POU2AF2: variants seen among roughly 807,000 people sequenced by gnomAD.
POU2AF2 encodes POU domain class 2-associating factor 2.
chr11:111,279,404 T>C, the POU2AF2 span, among the ~76,000 whole-genome samples: 1 of 152,224 alleles, frequency 6.6e-6, no homozygotes, highest in Non-Finnish European at 1.5e-5. Flanking sequence ...CATAGATAGC[T>C]CTAGAGGCTA....
At chr11:111,259,309 C>CT in the POU2AF2 span, among the ~76,000 whole-genome samples, 7,104 of 129,970 alleles carry the variant, frequency 0.055, 289 homozygotes, top group East Asian at 0.074. Flanking sequence ...TTCCACATTC[C>CT]TTTTTTTTTT....
chr11:111,250,001 TAC>T, the POU2AF2 span, among the ~76,000 whole-genome samples: 3 of 152,226 alleles, frequency 2.0e-5, no homozygotes, highest in Non-Finnish European at 4.4e-5. Flanking sequence ...TTCTTAGATG[TAC>T]AGTTTTTACC....
chr11:111,263,115 T>C, the POU2AF2 span, among the ~76,000 whole-genome samples: 8 of 152,378 alleles, frequency 5.3e-5, no homozygotes, highest in East Asian at 1.5e-3. Flanking sequence ...CCTCATGTTG[T>C]ATGTTGGATG....
chr11:111,279,546 C>T, the POU2AF2 span, among the ~76,000 whole-genome samples: 2 of 152,200 alleles, frequency 1.3e-5, no homozygotes, highest in Non-Finnish European at 2.9e-5. Flanking sequence ...GGTTGTATCA[C>T]TCAAACTGCT....
At chr11:111,255,677 C>G in the POU2AF2 span, among the ~76,000 whole-genome samples, 2 of 152,146 alleles carry the variant, frequency 1.3e-5, no homozygotes, top group African/African-American at 4.8e-5. Flanking sequence ...GTGATTAAAG[C>G]ATAATTTGTA....
chr11:111,276,750 G>GA, the POU2AF2 span, among the ~76,000 whole-genome samples: 498 of 132,786 alleles, frequency 3.8e-3, 4 homozygotes, highest in African/African-American at 0.01. Flanking sequence ...AAAGTGCTAA[G>GA]AAAAAAAAAA....
At chr11:111,267,727 C>G in the POU2AF2 span, among the ~76,000 whole-genome samples, 5 of 152,150 alleles carry the variant, frequency 3.3e-5, no homozygotes, top group African/African-American at 9.7e-5. Flanking sequence ...CCCTTCAATG[C>G]TCTCCCAGCC....
At chr11:111,268,479 TTTATTTTATTTTATTTTA>T in the POU2AF2 span, among the ~76,000 whole-genome samples, 20 of 25,382 alleles carry the variant, frequency 7.9e-4, 2 homozygotes, top group African/African-American at 2.6e-3. Flanking sequence ...TTTTTCTTTT[TTTATTTTATTTTATTTTA>T]TTTTATTTTA....
chr11:111,285,748 C>G, the POU2AF2 span: 1 of 1,613,340 alleles, frequency 6.2e-7, no homozygotes, highest in Admixed American at 1.7e-5. Context: ...GCACGAGTTG[C>G]CTCTCCCAGC....
At chr11:111,271,283 G>A in the POU2AF2 span, among the ~76,000 whole-genome samples, 7 of 151,810 alleles carry the variant, frequency 4.6e-5, no homozygotes, top group African/African-American at 9.7e-5. Context: ...GGATCATGCC[G>A]CTGCACTGCA....
At chr11:111,251,200 G>C in the POU2AF2 span, among the ~76,000 whole-genome samples, 3 of 152,244 alleles carry the variant, frequency 2.0e-5, no homozygotes, top group African/African-American at 7.2e-5. Context: ...GAAGAGTAAA[G>C]AAAAGTCAGC....
the POU2AF2 span, among the ~76,000 whole-genome samples, chr11:111,264,081 T>G: frequency 3.3e-5 from 5 of 152,090 alleles, no homozygotes; most frequent in African/African-American, 1.2e-4. Context: ...TAAGAAATTA[T>G]AAGTGATTAA....
At chr11:111,255,154 G>T in the POU2AF2 span, among the ~76,000 whole-genome samples, 1 of 152,148 alleles carries the variant, frequency 6.6e-6, no homozygotes, top group East Asian at 1.9e-4. Context: ...ATTCCCTCAT[G>T]GTGAAAACAG....
the POU2AF2 span, chr11:111,285,905 A>G: frequency 3.1e-6 from 5 of 1,613,546 alleles, no homozygotes; most frequent in Non-Finnish European, 3.4e-6. Flanking sequence ...CACCCCTTTC[A>G]TGACGGTGTC....
At chr11:111,285,747 G>A in the POU2AF2 span, 1 of 1,613,440 alleles carries the variant, frequency 6.2e-7, no homozygotes, top group Non-Finnish European at 8.5e-7. Context: ...AGCACGAGTT[G>A]CCTCTCCCAG....
the POU2AF2 span, among the ~76,000 whole-genome samples, chr11:111,285,017 C>T: frequency 6.6e-6 from 1 of 152,186 alleles, no homozygotes; most frequent in African/African-American, 2.4e-5. Flanking sequence ...TAAGTATACT[C>T]TATGCCAGGA....
chr11:111,283,669 A>T, the POU2AF2 span, among the ~76,000 whole-genome samples: 1 of 152,306 alleles, frequency 6.6e-6, no homozygotes, highest in East Asian at 1.9e-4. Flanking sequence ...ATAACAGGCC[A>T]GGAGCACCTC....
the POU2AF2 span, chr11:111,281,253 A>T: frequency 0.27 from 147,132 of 544,602 alleles, 21,594 homozygotes; most frequent in Admixed American, 0.34. Flanking sequence ...TTGAATTCTT[A>T]TTCTCAGTTG....
chr11:111,251,005 C>G, the POU2AF2 span, among the ~76,000 whole-genome samples: 2 of 152,038 alleles, frequency 1.3e-5, no homozygotes, highest in African/African-American at 2.4e-5. Flanking sequence ...CATGGTGGAC[C>G]ATTGTAGGGT....
Sources: allele counts gnomAD v4.1 joint callset (sites outside exome capture counted in the v4.1 genomes callset), GRCh38; gene constraint gnomAD v4.1.1; transcripts MANE v1.5; gene names NCBI Gene and HGNC (gene_info 2026-07-23, HGNC 2026-07-21).